Variants in KANK2 observed in about 807,000 individuals in gnomAD.
The protein encoded by KANK2 is KN motif and ankyrin repeat domain-containing protein 2.
In KANK2, 41 loss-of-function variants were observed where a neutral mutation model predicts 74.6. The ratio of observed to expected loss-of-function variants is 0.55; its 90% CI spans 0.43 to 0.71. The LOEUF is 0.71. Ranked by LOEUF, KANK2 falls within the 30% of genes least tolerant of loss-of-function variation. The pLI, the probability that KANK2 is intolerant of heterozygous loss-of-function variation, is 0.00. For synonymous variants in KANK2, 537 were observed against 519.0 expected, an observed-to-expected ratio of 1.03 and a Z score of -0.47; for missense variants, 1,148 against 1,196.4, an observed-to-expected ratio of 0.96 and a Z score of 0.60.
chr19:11,181,517 G>A (rs1363511989), intron 4 of KANK2, among the ~76,000 whole-genome samples: 1 of 152,126 alleles, frequency 6.6e-6, no homozygotes, highest in African/African-American at 2.4e-5. Context: ...AAAGTGCTGG[G>A]GTTACAGGTG....
At position 11,171,589 on chromosome 19, in the gene KANK2, G is replaced by T. The variant is rs1163593426; in HGVS notation, c.2212-1341C>A. On this transcript the variant is annotated intron_variant, in intron 10 of 12. Coordinates refer to ENST00000586659, the MANE Select transcript of KANK2 (RefSeq NM_001136191.3). ...GGGTGTCTCTAGGTTCCCCAGGCTGGTCTGGAACTCCTGACCTCAAGCAAT... is the reference window on the plus strand; with the variant it reads ...GGGTGTCTCTAGGTTCCCCAGGCTGTTCTGGAACTCCTGACCTCAAGCAAT... 2.0e-5 allele frequency among the ~76,000 whole-genome samples: 3 copies of T among 151,870 alleles called. No individual in the cohort carries two copies. In the East Asian group the frequency reaches 5.8e-4, roughly 29 times the overall value.
chr19:11,170,417 A>C lies in KANK2; in HGVS notation c.2212-169T>G. 2 of 605,816 alleles carry C rather than the reference A, an allele frequency of 3.3e-6. No individual in the cohort carries two copies. Among genetic ancestry groups the C allele is most frequent in the Non-Finnish European group, 5.8e-6 (2 of 342,254 alleles). The allele number at this position is 605,816 out of a possible 1,614,324, so 37.5% of individuals were successfully genotyped here. A position where few individuals can be genotyped will look rare whatever the true frequency, so the allele number is the denominator to read the frequency against. The stretch of plus-strand genomic sequence containing the variant: ...CCCTCCCGTCACCAGGGGAGTAATA[A>C]ATCCACAGAGACAGAAAGCGGATGA... On this transcript the variant is annotated intron_variant, in intron 10 of 12. Transcript: ENST00000586659. This position sits in a 1 kb window ranked among gnomAD's most constrained non-coding sequence, Gnocchi z 5.2.
intron 4 of KANK2, among the ~76,000 whole-genome samples, chr19:11,188,028 A>G (rs1160393853): frequency 1.3e-5 from 2 of 152,216 alleles, no homozygotes; most frequent in Non-Finnish European, 2.9e-5. Flanking sequence ...TAGAGACCGT[A>G]TGACCTGCAA....
rs766573856 is a variant in KANK2 at position 11,174,676 on chromosome 19, G to A, written c.1865C>T (p.Thr622Ile). ...CAGGCGCAGCCACTCCTGCAGCACT[G>A]TGGTGTAGGCCACTTTCTGCATGCG... ...TERELKVAYT[T>I]VLQEWLRLAC... Residue 622 changes from threonine to isoleucine, a missense_variant, in exon 9 of 13, where the codon ACA (threonine) becomes ATA (isoleucine). By Grantham distance (89) the Thr-to-Ile change is moderately conservative. Coordinates refer to ENST00000586659, the MANE Select transcript of KANK2 (RefSeq NM_001136191.3). 3 of 1,606,012 alleles carry A rather than the reference G, an allele frequency of 1.9e-6. No individual in the cohort carries two copies. The highest frequency in any genetic ancestry group is 1.3e-5 in the African/African-American group (1 of 74,866).
At chr19:11,168,371 C>A (rs1324467137) in intron 12 of KANK2, among the ~76,000 whole-genome samples, 1 of 151,852 alleles carries the variant, frequency 6.6e-6, no homozygotes, top group Non-Finnish European at 1.5e-5. Flanking sequence ...CCATGGCTCA[C>A]TGCAGCCTCA....
At chr19:11,188,026 G>A (rs1013476429) in intron 4 of KANK2, among the ~76,000 whole-genome samples, 15 of 152,130 alleles carry the variant, frequency 9.9e-5, no homozygotes, top group South Asian at 4.1e-4. Context: ...AATAGAGACC[G>A]TATGACCTGC....
At chr19:11,175,427 CAAAAAAAAAAAAAAAA>C (rs753933217) in intron 8 of KANK2, among the ~76,000 whole-genome samples, 42 of 14,966 alleles carry the variant, frequency 2.8e-3, no homozygotes, top group Non-Finnish European at 7.1e-4. Context: ...GACTCCCTCT[CAAAAAAAAAAAAAAAA>C]AAAAAAAAAA....
Position 11,182,561 on chromosome 19 carries a change from A to AAAC in KANK2, c.1250-3842_1250-3841insGTT, listed in dbSNP as rs766300556. Among the ~76,000 whole-genome samples, 1,197 of 143,506 alleles carry AAAC rather than the reference A, an allele frequency of 8.3e-3. 16 individuals carry two copies. Among genetic ancestry groups the AAAC allele is most frequent in the African/African-American group, 0.027 (1,063 of 39,278 alleles). 94.1% of individuals were successfully genotyped at this position (143,506 alleles called of 152,430 possible). ...AACAAAAAAACAAAACAAAACAAAA[A>AAAC]AGCCAGGCGCGGTGGCTCACGATTG... On this transcript the variant is annotated intron_variant, in intron 4 of 12. Coordinates refer to ENST00000586659, the MANE Select transcript of KANK2 (RefSeq NM_001136191.3).
chr19:11,194,763 C>CA (rs1164960480), intron 2 of KANK2, 173 bp from the exon 3 acceptor site: 2 of 450,390 alleles, frequency 4.4e-6, no homozygotes, highest in South Asian at 2.2e-5. Flanking sequence ...CCCCCTCCCC[C>CA]CCGCAGGTCT....
chr19:11,166,828 G>A (rs1458662254), intron 12 of KANK2, among the ~76,000 whole-genome samples: 2 of 152,170 alleles, frequency 1.3e-5, no homozygotes, highest in Non-Finnish European at 2.9e-5. Flanking sequence ...AAAGGAATGA[G>A]GGTGGACAGT....
chr19:11,166,726 C>T (rs1024853641), intron 12 of KANK2, 115 bp from the exon 13 acceptor site: 18 of 978,864 alleles, frequency 1.8e-5, no homozygotes, highest in Non-Finnish European at 2.7e-5. Flanking sequence ...GGCGTGGCCC[C>T]TGGCCCCAAG....
At chr19:11,186,526 C>T (rs1176895316) in intron 4 of KANK2, among the ~76,000 whole-genome samples, 3 of 152,030 alleles carry the variant, frequency 2.0e-5, no homozygotes, top group East Asian at 1.9e-4. Flanking sequence ...GGAGAAACCC[C>T]GTCTCTGCTA....
intron 4 of KANK2, among the ~76,000 whole-genome samples, chr19:11,185,086 T>G (rs2078638924): frequency 6.7e-6 from 1 of 149,344 alleles, no homozygotes; most frequent in Non-Finnish European, 1.5e-5. Flanking sequence ...CAACTTCTGT[T>G]GCCCAGGCTG....
At chr19:11,178,875 T>G (rs2078430856) in intron 4 of KANK2, among the ~76,000 whole-genome samples, 155 bp from the exon 5 acceptor site, 1 of 152,146 alleles carries the variant, frequency 6.6e-6, no homozygotes, top group East Asian at 1.9e-4. Context: ...ATCGGATTAT[T>G]ACAGATGAGG....
chr19:11,186,674 G>A (rs1176462190), intron 4 of KANK2, among the ~76,000 whole-genome samples: 1 of 152,126 alleles, frequency 6.6e-6, no homozygotes, highest in African/African-American at 2.4e-5. Flanking sequence ...ACTCCAGCCT[G>A]GGCAACAGGA....
chr19:11,192,587 C>A (rs1395039203), intron 4 of KANK2: 6 of 456,364 alleles, frequency 1.3e-5, no homozygotes, highest in Non-Finnish European at 2.5e-5. Context: ...AGGCGCACGC[C>A]ACCACACCTG....
At position 11,193,992 on chromosome 19, in the gene KANK2, G is replaced by A. The variant is rs368415615; in HGVS notation, c.88C>T (p.Pro30Ser). The change falls in exon 4 of 13, where the codon CCA (proline) becomes TCA (serine). Residue 30 changes from proline (P) to serine (S), a missense_variant. Physicochemically the swap from Pro to Ser is moderately conservative, Grantham distance 74 (BLOSUM62 -1). Coordinates refer to ENST00000586659, the MANE Select transcript of KANK2 (RefSeq NM_001136191.3). The surrounding 1 kb of genome is among the most constrained non-coding windows in gnomAD (Gnocchi z 9.6). ...TAGGGGGTCTCCACGGAGTAGGGTG[G>A]ATCGGGGTCCTTGGCAGGGAAGGCA... ...PPAFPAKDPD[P>S]PYSVETPYGY... The A allele has an allele frequency of 1.9e-6, 3 of 1,613,428 alleles. No homozygotes were observed. The highest frequency in any genetic ancestry group is 1.3e-5 in the African/African-American group (1 of 75,038).
chr19:11,188,515 CTT>C (rs56971061), intron 4 of KANK2, among the ~76,000 whole-genome samples: 88 of 133,192 alleles, frequency 6.6e-4, no homozygotes, highest in Admixed American at 6.8e-4. Flanking sequence ...CATGTAAATT[CTT>C]TTTTTTTTTT....
Position 11,170,126 on chromosome 19 carries a change from G to A in KANK2, c.2334C>T (p.Cys778=), listed in dbSNP as rs774676609. The change falls in exon 11 of 13, where the codon TGC becomes TGT. Residue 778 remains cysteine, a synonymous_variant. Coordinates refer to ENST00000586659, the MANE Select transcript of KANK2 (RefSeq NM_001136191.3). The surrounding 1 kb of genome is among the most constrained non-coding windows in gnomAD (Gnocchi z 5.2). The stretch of plus-strand genomic sequence containing the variant: ...TCTCCTTGTGGCCGTGCTCACAGGC[G>A]CACATGAGGGCCGTGGAGCCGTCAT... ...QDDDGSTALM[C]ACEHGHKEIA... The A allele has an allele frequency of 3.1e-6, 5 of 1,612,994 alleles. No individual in the cohort carries two copies. Among genetic ancestry groups the A allele is most frequent in the East Asian group, 2.2e-5 (1 of 44,884 alleles).
Sources: allele counts gnomAD v4.1 joint callset (sites outside exome capture counted in the v4.1 genomes callset), GRCh38; gene constraint gnomAD v4.1.1; non-coding constraint Gnocchi (gnomAD v3.1); transcripts MANE v1.5; gene names NCBI Gene and HGNC (gene_info 2026-07-23, HGNC 2026-07-21).